PPFIA2: variants seen among roughly 807,000 people sequenced by gnomAD.
The protein encoded by PPFIA2 is liprin-alpha-2.
A neutral mutation model predicts 175.5 loss-of-function variants in PPFIA2; 46 were observed. That is an observed-to-expected ratio of 0.26 (90% confidence interval 0.21 to 0.34). The LOEUF (loss-of-function observed/expected upper bound fraction) is 0.34. Ranked by LOEUF, PPFIA2 falls within the 10% of genes least tolerant of loss-of-function variation. The pLI, the probability that PPFIA2 is intolerant of heterozygous loss-of-function variation, is 1.00. For synonymous variants in PPFIA2, 568 were observed against 511.4 expected (o/e 1.11, Z -1.49); for missense variants, 1,179 against 1,506.1 (o/e 0.78, Z 3.60).
At chr12:81,517,549 A>G (rs1764050538) in intron 4 of PPFIA2, among the ~76,000 whole-genome samples, 1 of 152,198 alleles carries the variant, frequency 6.6e-6, no homozygotes, top group Non-Finnish European at 1.5e-5. Flanking sequence ...GTTGGCAGAT[A>G]GAACAGGAGC....
intron 3 of PPFIA2, among the ~76,000 whole-genome samples, chr12:81,739,930 A>T (rs1206837218): frequency 6.6e-6 from 1 of 152,110 alleles, no homozygotes; most frequent in African/African-American, 2.4e-5. Context: ...CTTAGGAATA[A>T]CTATTAGTCT....
chr12:81,311,455 C>T (rs1451406453), intron 22 of PPFIA2, among the ~76,000 whole-genome samples: 2 of 152,116 alleles, frequency 1.3e-5, no homozygotes, highest in Non-Finnish European at 2.9e-5. Context: ...TAGAGGCGGC[C>T]CGGCGTGGTG....
intron 27 of PPFIA2, among the ~76,000 whole-genome samples, chr12:81,278,540 CA>C (rs10623632): frequency 1.7e-4 from 23 of 136,570 alleles, no homozygotes; most frequent in Non-Finnish European, 1.9e-4. Context: ...ACTCCATCTC[CA>C]AAAAAAAAAA....
intron 4 of PPFIA2, among the ~76,000 whole-genome samples, chr12:81,572,251 T>A (rs2072690946): frequency 6.6e-6 from 1 of 152,006 alleles, no homozygotes; most frequent in African/African-American, 2.4e-5. Context: ...TGTCCTCATC[T>A]CCTTCAGGTC....
At chr12:81,745,126 TA>T (rs1392199319) in intron 3 of PPFIA2, among the ~76,000 whole-genome samples, 1 of 152,250 alleles carries the variant, frequency 6.6e-6, no homozygotes, top group Non-Finnish European at 1.5e-5. Context: ...CTAGCATGAT[TA>T]GACAATAAAT....
At chr12:81,275,938 C>G (rs1333141712) in intron 28 of PPFIA2, among the ~76,000 whole-genome samples, 1 of 151,874 alleles carries the variant, frequency 6.6e-6, no homozygotes, top group Non-Finnish European at 1.5e-5. Context: ...GCGCCTGCCA[C>G]CACGCCCGGC....
chr12:81,349,330 T>C (rs1566343472), intron 17 of PPFIA2, among the ~76,000 whole-genome samples: 1 of 152,226 alleles, frequency 6.6e-6, no homozygotes, highest in Non-Finnish European at 1.5e-5. Flanking sequence ...TAATCAAATA[T>C]GTTTCACAAA....
chr12:81,494,207 T>G (rs2059765709), intron 4 of PPFIA2, among the ~76,000 whole-genome samples: 1 of 151,966 alleles, frequency 6.6e-6, no homozygotes, highest in Non-Finnish European at 1.5e-5. Context: ...GACAAAGGGC[T>G]AATATCCAGA....
chr12:81,545,071 T>C (rs888975473), intron 4 of PPFIA2, among the ~76,000 whole-genome samples: 1 of 144,282 alleles, frequency 6.9e-6, no homozygotes, highest in Admixed American at 7.0e-5. Context: ...TTCTTATGGC[T>C]TCACAGGTTT....
intron 3 of PPFIA2, among the ~76,000 whole-genome samples, chr12:81,706,826 C>T (rs1028908980): frequency 5.2e-4 from 79 of 152,234 alleles, no homozygotes; most frequent in African/African-American, 1.6e-3. Context: ...AACAGAGATA[C>T]AGATCAATGG....
chr12:81,638,016 A>G (rs2064344208), intron 4 of PPFIA2, among the ~76,000 whole-genome samples: 2 of 152,180 alleles, frequency 1.3e-5, no homozygotes. Context: ...GAAAACTTGT[A>G]TTCTTTTTCC....
At chr12:81,524,547 G>A (rs2063520897) in intron 4 of PPFIA2, among the ~76,000 whole-genome samples, 1 of 152,144 alleles carries the variant, frequency 6.6e-6, no homozygotes, top group South Asian at 2.1e-4. Flanking sequence ...TATTTTGGAA[G>A]CACATAATTT....
chr12:81,332,404 CA>C (rs2056306969), intron 21 of PPFIA2, among the ~76,000 whole-genome samples: 1 of 152,036 alleles, frequency 6.6e-6, no homozygotes, highest in South Asian at 2.1e-4. Flanking sequence ...ACCCTTTTCT[CA>C]AAGATAGGTC....
At chr12:81,651,421 GTAAA>G (rs1310281190) in intron 4 of PPFIA2, among the ~76,000 whole-genome samples, 1 of 152,086 alleles carries the variant, frequency 6.6e-6, no homozygotes, top group African/African-American at 2.4e-5. Context: ...AAAAATTTGA[GTAAA>G]TAGTTGAAAG....
Position 81,347,843 on chromosome 12 carries a change from T to G in PPFIA2, c.1995-73A>C, listed in dbSNP as rs998812365. On this transcript the variant is annotated intron_variant, in intron 17 of 32. Transcript: ENST00000549396. ...CCATTATATGCTGCTGTAAGGATCA[T>G]TGGAATTCACATAATAAATCAGTAG... is the stretch of plus-strand genomic sequence containing the variant. The G allele has an allele frequency of 1.9e-6, 3 of 1,542,866 alleles. No homozygotes were observed. In the East Asian group the frequency reaches 6.9e-5, roughly 36 times the overall value.
intron 4 of PPFIA2, among the ~76,000 whole-genome samples, chr12:81,519,243 A>G (rs1462103722): frequency 6.6e-6 from 1 of 152,218 alleles, no homozygotes; most frequent in Non-Finnish European, 1.5e-5. Context: ...TATAGGTTAT[A>G]TTAATATTGT....
intron 18 of PPFIA2, among the ~76,000 whole-genome samples, chr12:81,346,701 G>A (rs1000516378): frequency 6.6e-6 from 1 of 151,488 alleles, no homozygotes; most frequent in South Asian, 2.1e-4. Context: ...TTAGGAATTA[G>A]TAGCTGTTGT....
rs558902078 is a variant in PPFIA2 at position 81,356,670 on chromosome 12, TA to T, written c.1773+1411del. Among the ~76,000 whole-genome samples, 448 of 149,728 alleles carry T rather than the reference TA, an allele frequency of 3.0e-3. 1 individual carries two copies. Among genetic ancestry groups the T allele is most frequent in the South Asian group, 5.3e-3 (25 of 4,744 alleles). On this transcript the variant is annotated intron_variant, in intron 16 of 32. Coordinates refer to ENST00000549396, the MANE Select transcript of PPFIA2 (RefSeq NM_003625.5). ...AGAATAATACCCTGTCTCAAAAAAATAAAAAAAAAGAAATATTGTGAAAATT... is the reference window on the plus strand; with the variant it reads ...AGAATAATACCCTGTCTCAAAAAAATAAAAAAAAGAAATATTGTGAAAATT...
chr12:81,369,245 T>A, intron 11 of PPFIA2, 51 bp from the exon 12 acceptor site: 1 of 1,579,932 alleles, frequency 6.3e-7, no homozygotes, highest in Non-Finnish European at 8.6e-7. Context: ...TGGTTAACAC[T>A]TTTCCTCTAA....
Sources: allele counts gnomAD v4.1 joint callset (sites outside exome capture counted in the v4.1 genomes callset), GRCh38; gene constraint gnomAD v4.1.1; transcripts MANE v1.5; gene names NCBI Gene and HGNC (gene_info 2026-07-23, HGNC 2026-07-21).